CNIH3: variants seen among roughly 807,000 people sequenced by gnomAD.
The protein encoded by CNIH3 is protein cornichon homolog 3.
In CNIH3, 14 loss-of-function variants were observed where a neutral mutation model predicts 24.1. That is an observed-to-expected ratio of 0.58 (90% CI 0.38 to 0.91). The LOEUF is 0.91. Among genes scored for constraint, CNIH3 ranks in the 40% least tolerant of loss-of-function variants. The pLI, the probability that CNIH3 is intolerant of heterozygous loss-of-function variation, is 0.00. For synonymous variants in CNIH3, 68 were observed against 73.8 expected (o/e 0.92, Z 0.40); for missense variants, 178 against 196.8 (o/e 0.90, Z 0.57).
At chr1:224,481,221 C>G (rs1676799472) in intron 1 of CNIH3, among the ~76,000 whole-genome samples, 1 of 152,212 alleles carries the variant, frequency 6.6e-6, no homozygotes, top group African/African-American at 2.4e-5. Context: ...AGACCTGCCC[C>G]TATGATTCAG....
chr1:224,737,806 G>A (rs904433170), intron 5 of CNIH3, among the ~76,000 whole-genome samples: 1 of 152,206 alleles, frequency 6.6e-6, no homozygotes, highest in Admixed American at 6.5e-5. Flanking sequence ...CTTCTATCCT[G>A]TTTGAACCGC....
At chr1:224,659,098 A>T (rs1022688382) in intron 1 of CNIH3, among the ~76,000 whole-genome samples, 1 of 152,152 alleles carries the variant, frequency 6.6e-6, no homozygotes, top group African/African-American at 2.4e-5. Context: ...TCACATGCCC[A>T]CCTCTTCTGC....
intron 1 of CNIH3, among the ~76,000 whole-genome samples, chr1:224,624,534 T>C (rs1683426624): frequency 6.6e-6 from 1 of 152,082 alleles, no homozygotes; most frequent in South Asian, 2.1e-4. Flanking sequence ...CCCCATCTGC[T>C]CCTTCTGTAG....
At chr1:224,734,810 G>T in intron 5 of CNIH3, 104 bp downstream of exon 5, 3 of 1,209,666 alleles carry the variant, frequency 2.5e-6, no homozygotes, top group African/African-American at 3.0e-5. Context: ...GTGCGAGGGT[G>T]GGAGTCATGG....
downstream of CNIH3, among the ~76,000 whole-genome samples, chr1:224,539,445 C>G (rs1349526355): frequency 6.6e-6 from 1 of 152,200 alleles, no homozygotes; most frequent in African/African-American, 2.4e-5. Context: ...TATCAAATTT[C>G]CAACTTCGAC....
chr1:224,502,587 T>G (rs921016439), intron 1 of CNIH3, among the ~76,000 whole-genome samples: 6 of 152,246 alleles, frequency 3.9e-5, no homozygotes, highest in African/African-American at 1.4e-4. Flanking sequence ...GGGAGGTGGA[T>G]TGCCATTCCA....
At position 224,574,604 on chromosome 1, in the gene CNIH3, G is replaced by T. The variant is rs1006093406; in HGVS notation, n.516+8340G>T. ...ACCAGAATGAGAATGACGTGGGGGT[G>T]GCCATTCGGGAGAAGCTCAGGGAGC... On this transcript the variant is annotated intron_variant and non_coding_transcript_variant, in intron 4 of 5. Coordinates refer to the CNIH3 transcript ENST00000471578. The T allele has an allele frequency of 7.4e-6, 6 of 815,718 alleles. No individual in the cohort carries two copies. The African/African-American group carries it at 8.4e-5, about 11-fold the overall frequency. 50.5% of individuals were successfully genotyped at this position (815,718 alleles called of 1,614,324 possible).
chr1:224,691,740 C>T (rs1686942512), intron 3 of CNIH3, among the ~76,000 whole-genome samples: 1 of 152,206 alleles, frequency 6.6e-6, no homozygotes, highest in South Asian at 2.1e-4. Flanking sequence ...TATTTTCATT[C>T]TCTCATTGGG....
chr1:224,443,911 C>A (rs1046345922), intron 1 of CNIH3, among the ~76,000 whole-genome samples: 1 of 151,968 alleles, frequency 6.6e-6, no homozygotes, highest in African/African-American at 2.4e-5. Flanking sequence ...ATTTGATTAG[C>A]CCAGGTAGGG....
chr1:224,661,250 CTCTT>C, intron 1 of CNIH3: 1 of 307,422 alleles, frequency 3.3e-6, no homozygotes, highest in Non-Finnish European at 6.6e-6. Flanking sequence ...TCAACTTCTG[CTCTT>C]TCTTGACCAT....
chr1:224,441,306 G>A (rs1454285035), intron 1 of CNIH3, among the ~76,000 whole-genome samples: 1 of 152,118 alleles, frequency 6.6e-6, no homozygotes, highest in Non-Finnish European at 1.5e-5. Flanking sequence ...TTGACAGTAA[G>A]TATTTGTTTT....
At chr1:224,492,844 C>G (rs114470931) in intron 1 of CNIH3, among the ~76,000 whole-genome samples, 2 of 152,108 alleles carry the variant, frequency 1.3e-5, no homozygotes, top group Admixed American at 6.6e-5. Context: ...ATTTTTTTGA[C>G]GTTTCTTCAA....
intron 1 of CNIH3, among the ~76,000 whole-genome samples, chr1:224,465,700 T>C (rs1225130862): frequency 2.0e-5 from 3 of 152,158 alleles, no homozygotes; most frequent in East Asian, 3.9e-4. Context: ...CCTCCCTCAA[T>C]GTTGACATTT....
intron 1 of CNIH3, among the ~76,000 whole-genome samples, chr1:224,627,365 ACAGG>A (rs10615879): frequency 0.64 from 97,013 of 151,620 alleles, 32,322 homozygotes; most frequent in East Asian, 0.83. Context: ...AGCTGGGATT[ACAGG>A]CACGTGCCAC....
At chr1:224,641,192 G>A (rs916236927) in intron 1 of CNIH3, among the ~76,000 whole-genome samples, 4 of 152,156 alleles carry the variant, frequency 2.6e-5, no homozygotes, top group Middle Eastern at 3.2e-3. Flanking sequence ...CTACCCTGCT[G>A]CTGCCCTGAG....
chr1:224,645,412 G>A (rs374681853), intron 1 of CNIH3, among the ~76,000 whole-genome samples: 88 of 152,370 alleles, frequency 5.8e-4, no homozygotes, highest in African/African-American at 1.1e-3. Context: ...TTTCTCCTGC[G>A]CCTCTGTTCA....
At chr1:224,642,158 G>A (rs4653401) in intron 1 of CNIH3, among the ~76,000 whole-genome samples, 41 of 152,272 alleles carry the variant, frequency 2.7e-4, no homozygotes, top group Admixed American at 1.9e-3. Context: ...GATATTGATT[G>A]AATATTTGCT....
rs143167389 is a variant in CNIH3, at chr1:224,534,813, C to T, written n.344-2123C>T. On this transcript the variant is annotated intron_variant and non_coding_transcript_variant, in intron 2 of 2. Transcript: ENST00000470602. Reference sequence around the variant, plus strand: ...ATTACTTTCCTCACCTTTTCACAGCCGCATTACAGGGGCTGATCCACAATG... The same window carrying T: ...ATTACTTTCCTCACCTTTTCACAGCTGCATTACAGGGGCTGATCCACAATG... 1.0e-3 allele frequency among the ~76,000 whole-genome samples: 155 copies of T among 152,274 alleles called. 1 individual carries two copies. In the East Asian group the frequency reaches 0.025, roughly 25 times the overall value.
intron 1 of CNIH3, among the ~76,000 whole-genome samples, chr1:224,620,316 G>A (rs1235905524): frequency 1.3e-5 from 2 of 152,224 alleles, no homozygotes; most frequent in African/African-American, 4.8e-5. Flanking sequence ...GTTGCCTAAG[G>A]TTGCACAGCT....
Sources: gnomAD v4.1 joint callset for allele counts (sites outside exome capture counted in the v4.1 genomes callset) on GRCh38, gnomAD v4.1.1 for gene constraint, MANE v1.5 for transcripts, NCBI Gene and HGNC (gene_info 2026-07-23, HGNC 2026-07-21) for gene names.